Variants in KAT6B observed in about 807,000 individuals in gnomAD.
KAT6B encodes histone acetyltransferase KAT6B.
KAT6B carries 10 observed loss-of-function variants against 187.5 expected under a neutral mutation model. The ratio of observed to expected loss-of-function variants is 0.05; its 90% CI spans 0.03 to 0.09. KAT6B has a LOEUF of 0.09. KAT6B is among the 10% of genes least tolerant of loss of function. KAT6B has a pLI of 1.00. For synonymous variants in KAT6B, 861 were observed against 926.8 expected (o/e 0.93, Z 1.29); for missense variants, 1,952 against 2,558.9 (o/e 0.76, Z 5.12).
In KAT6B at chr10:74,975,801, A is replaced by G; in HGVS notation, c.1464A>G (p.Lys488=). The change falls in exon 8 of 18, where the codon AAA becomes AAG. Residue 488 remains lysine, a synonymous_variant. Transcript: ENST00000287239. ...CTACAGGTACCACACAAAAGCTAAAACCTCCACCTTCTTCACTTCCACCCC... is the reference window on the plus strand; with the variant it reads ...CTACAGGTACCACACAAAAGCTAAAGCCTCCACCTTCTTCACTTCCACCCC... The part of the protein sequence containing the change: ...VLATGTTQKL[K]PPPSSLPPPT... The G allele has an allele frequency of 1.9e-6, 3 of 1,613,724 alleles. No homozygotes were observed. The highest frequency in any genetic ancestry group is 2.7e-5 in the African/African-American group (2 of 74,878).
chr10:74,871,806 A>G (rs914959913), intron 3 of KAT6B, among the ~76,000 whole-genome samples: 19 of 152,230 alleles, frequency 1.2e-4, no homozygotes, highest in Admixed American at 2.0e-4. Context: ...TCCTCAGCTC[A>G]AACAGGAACG....
At position 74,959,965 on chromosome 10, in the gene KAT6B, C is replaced by G. The variant is rs1282656596; in HGVS notation, c.622-5C>G. The G allele has an allele frequency of 6.3e-7, 1 of 1,580,512 alleles. No individual in the cohort carries two copies. The highest frequency in any genetic ancestry group is 1.1e-5 in the South Asian group (1 of 90,378). On this transcript the variant is annotated splice_region_variant and splice_polypyrimidine_tract_variant and intron_variant, in intron 3 of 17. Coordinates refer to ENST00000287239, the MANE Select transcript of KAT6B (RefSeq NM_012330.4). ...ACAGTATTTTTTATTTTAATTTTGT[C>G]ATAGCCCCGTGCTGATCCCATTCCA...
At chr10:74,867,173 G>A (rs1256854304) in intron 3 of KAT6B, among the ~76,000 whole-genome samples, 2 of 152,026 alleles carry the variant, frequency 1.3e-5, no homozygotes, top group African/African-American at 4.8e-5. Flanking sequence ...TATTATTGGG[G>A]TATACTTATT....
chr10:74,848,559 AT>A (rs59748904), intron 3 of KAT6B, among the ~76,000 whole-genome samples: 116 of 146,940 alleles, frequency 7.9e-4, no homozygotes, highest in Non-Finnish European at 8.2e-4. Flanking sequence ...GTGGTTTTTA[AT>A]TTTTTTTTTT....
intron 3 of KAT6B, among the ~76,000 whole-genome samples, chr10:74,843,806 C>T (rs529873730): frequency 2.6e-5 from 4 of 152,208 alleles, no homozygotes; most frequent in Admixed American, 6.5e-5. Context: ...CAGAAATCTA[C>T]GAAAAGGCCA....
chr10:74,946,627 A>C (rs1344180786), intron 3 of KAT6B, among the ~76,000 whole-genome samples: 1 of 152,216 alleles, frequency 6.6e-6, no homozygotes, highest in Non-Finnish European at 1.5e-5. Context: ...GAAGCCCTAC[A>C]TAAAAAAATC....
chr10:74,830,769 T>TATATATGTATATATATATATATATATA (rs58702000), intron 1 of KAT6B, among the ~76,000 whole-genome samples: 5 of 7,738 alleles, frequency 6.5e-4, no homozygotes, highest in Non-Finnish European at 1.0e-3. Context: ...TATATATATA[T>TATATATGTATATATATATATATATATA]TTTTTTTTTT....
chr10:75,009,520 C>G (rs1293420338), intron 13 of KAT6B, among the ~76,000 whole-genome samples: 1 of 152,076 alleles, frequency 6.6e-6, no homozygotes, highest in Admixed American at 6.5e-5. Flanking sequence ...TTACTGAAGT[C>G]TAAAATTTAG....
chr10:74,951,139 G>A, intron 3 of KAT6B, among the ~76,000 whole-genome samples: 1 of 130,026 alleles, frequency 7.7e-6, no homozygotes, highest in East Asian at 2.2e-4. Flanking sequence ...TTTAATTTTT[G>A]TTTCTTTTGA....
At chr10:74,920,583 C>T (rs1442555052) in intron 3 of KAT6B, among the ~76,000 whole-genome samples, 1 of 151,730 alleles carries the variant, frequency 6.6e-6, no homozygotes. Context: ...TTTTTTTTAA[C>T]ATTTGCTAAT....
At position 74,975,481 on chromosome 10, in the gene KAT6B, A is replaced by G. The variant is rs1312027965; in HGVS notation, c.1144A>G (p.Thr382Ala). The G allele has an allele frequency of 6.2e-7, 1 of 1,614,062 alleles. No individual in the cohort carries two copies. Among genetic ancestry groups the G allele is most frequent in the Non-Finnish European group, 8.5e-7 (1 of 1,180,040 alleles). ...TAGGGGTCAAAAGACTAAAGTCTGTACCACACCTTCATCTGGTCATGCTGC... is the reference window on the plus strand; with the variant it reads ...TAGGGGTCAAAAGACTAAAGTCTGTGCCACACCTTCATCTGGTCATGCTGC... ...PGRGQKTKVC[T>A]TPSSGHAASG... The change falls in exon 8 of 18, where the codon ACC becomes GCC. Residue 382 changes from threonine to alanine, a missense_variant. Physicochemically the swap from Thr to Ala is moderately conservative, Grantham distance 58 (BLOSUM62 0). Transcript: ENST00000287239.
At position 74,989,222 on chromosome 10, in the gene KAT6B, A is replaced by G. The variant is rs894066876; in HGVS notation, c.2629+110A>G. 54 of 785,450 alleles carry G rather than the reference A, an allele frequency of 6.9e-5. No homozygotes were observed. In the South Asian group the frequency reaches 7.6e-4, roughly 11 times the overall value. The allele number at this position is 785,450 out of a possible 1,614,324, so 48.7% of individuals were successfully genotyped here. On this transcript the variant is annotated intron_variant, in intron 13 of 17. Coordinates refer to ENST00000287239, the MANE Select transcript of KAT6B (RefSeq NM_012330.4). Reference sequence around the variant, plus strand: ...CCTGCATTGTTGTTTTTATCAATAGATAATGGGCTTTCTATTTATATTTAC... The same window carrying G: ...CCTGCATTGTTGTTTTTATCAATAGGTAATGGGCTTTCTATTTATATTTAC...
intron 3 of KAT6B, among the ~76,000 whole-genome samples, chr10:74,848,622 C>A (rs765607863): frequency 6.6e-6 from 1 of 151,446 alleles, no homozygotes; most frequent in African/African-American, 2.4e-5. Flanking sequence ...CTAGACAATT[C>A]TTCTTCCAGT....
At chr10:74,826,269 G>A (rs1394586451), upstream of KAT6B, among the ~76,000 whole-genome samples, 1 of 152,198 alleles carries the variant, frequency 6.6e-6, no homozygotes, top group Non-Finnish European at 1.5e-5. Flanking sequence ...GGTGGAAGTA[G>A]AGGTGGCGCG....
chr10:75,019,700 T>G (rs1017522020), intron 13 of KAT6B, among the ~76,000 whole-genome samples: 7 of 152,188 alleles, frequency 4.6e-5, no homozygotes, highest in Non-Finnish European at 1.0e-4. Context: ...TAAGTGGCTC[T>G]TAATTACTGA....
At chr10:74,981,427 G>T (rs574899555) in intron 10 of KAT6B, among the ~76,000 whole-genome samples, 8 of 151,442 alleles carry the variant, frequency 5.3e-5, no homozygotes, top group Middle Eastern at 3.4e-3. Context: ...AGGCTGGAGC[G>T]CAGTGGTGCA....
rs1349763248 is a variant in KAT6B at position 74,947,821 on chromosome 10, A to T, written c.622-12149A>T. Among the ~76,000 whole-genome samples the T allele has an allele frequency of 2.0e-5, 3 of 152,190 alleles. No individual in the cohort carries two copies. The East Asian group carries it at 5.8e-4, about 29-fold the overall frequency. ...GTATTTCTTCTCCTGGCTTTGCTGC[A>T]GCTTGTATTAGTATGCAGGGAGGGG... On this transcript the variant is annotated intron_variant, in intron 3 of 17. Transcript: ENST00000287239.
intron 13 of KAT6B, among the ~76,000 whole-genome samples, chr10:74,997,614 T>G (rs1031608569): frequency 6.6e-6 from 1 of 152,128 alleles, no homozygotes; most frequent in African/African-American, 2.4e-5. Context: ...GGTTTAAAAA[T>G]GCAAATTTAG....
At chr10:74,925,718 G>A (rs1256484514) in intron 3 of KAT6B, among the ~76,000 whole-genome samples, 2 of 152,158 alleles carry the variant, frequency 1.3e-5, no homozygotes, top group African/African-American at 4.8e-5. Flanking sequence ...CTCTTTAATA[G>A]TAACTCTTAT....
Sources: allele counts gnomAD v4.1 joint callset (sites outside exome capture counted in the v4.1 genomes callset), GRCh38; gene constraint gnomAD v4.1.1; transcripts MANE v1.5; gene names NCBI Gene and HGNC (gene_info 2026-07-23, HGNC 2026-07-21).